Variants in NCKAP5 observed in about 807,000 individuals in gnomAD.
NCKAP5 encodes nck-associated protein 5.
NCKAP5 carries 92 observed loss-of-function variants against 167.0 expected under a neutral mutation model. The ratio of observed to expected loss-of-function variants is 0.55; its 90% CI spans 0.47 to 0.66. NCKAP5 has a LOEUF of 0.66. NCKAP5 is among the 30% of genes least tolerant of loss of function. The pLI is 0.00. For missense variants in NCKAP5, 2,378 were observed against 2,315.0 expected (o/e 1.03, Z -0.56); for synonymous variants, 891 against 877.4 (o/e 1.02, Z -0.27).
chr2:133,347,240 T>C (rs1684039328), intron 3 of NCKAP5, among the ~76,000 whole-genome samples: 1 of 152,156 alleles, frequency 6.6e-6, no homozygotes, highest in African/African-American at 2.4e-5. Flanking sequence ...CAAAATTGTG[T>C]GGGGGGAGTT....
intron 11 of NCKAP5, among the ~76,000 whole-genome samples, chr2:132,801,557 A>C (rs1685037216): frequency 6.6e-6 from 1 of 152,224 alleles, no homozygotes; most frequent in Admixed American, 6.5e-5. Context: ...CTGTCACTAT[A>C]CACAAGGGCA....
chr2:133,424,069 G>A (rs1559473933), intron 3 of NCKAP5, among the ~76,000 whole-genome samples: 1 of 152,212 alleles, frequency 6.6e-6, no homozygotes, highest in Non-Finnish European at 1.5e-5. Context: ...TTAATTTAAT[G>A]TGACCCTGGG....
intron 7 of NCKAP5, among the ~76,000 whole-genome samples, chr2:132,975,013 C>A (rs2076940042): frequency 6.6e-6 from 1 of 152,142 alleles, no homozygotes. Flanking sequence ...GGAGGGTGTG[C>A]AAAATATATT....
At chr2:133,090,381 AGAG>A (rs1019422178) in intron 6 of NCKAP5, among the ~76,000 whole-genome samples, 26 of 152,086 alleles carry the variant, frequency 1.7e-4, no homozygotes, top group African/African-American at 6.0e-4. Flanking sequence ...AAAAAGAAGA[AGAG>A]AAGACAGTTT....
chr2:133,016,590 C>T lies in NCKAP5; in HGVS notation c.342-22351G>A, dbSNP rs115594043. ...AGTGTTAATGCTATAGAAGAAAGCG[C>T]GGTCTGACGGCTATCTAAAATGAAT... is the stretch of plus-strand genomic sequence containing the variant. On this transcript the variant is annotated intron_variant, in intron 6 of 19. Coordinates refer to ENST00000409261, the MANE Select transcript of NCKAP5 (RefSeq NM_207363.3). Among the ~76,000 whole-genome samples, 738 of 152,284 alleles carry T rather than the reference C, an allele frequency of 4.8e-3. 9 individuals carry two copies. Among genetic ancestry groups the T allele is most frequent in the African/African-American group, 0.016 (679 of 41,546 alleles).
At chr2:132,702,955 G>T (rs755019259) in intron 19 of NCKAP5, among the ~76,000 whole-genome samples, 1 of 152,166 alleles carries the variant, frequency 6.6e-6, no homozygotes, top group African/African-American at 2.4e-5. Flanking sequence ...GATGCAGAAG[G>T]ATCTCTTGAG....
intron 4 of NCKAP5, among the ~76,000 whole-genome samples, chr2:133,220,478 G>A (rs1466790735): frequency 6.6e-6 from 1 of 152,096 alleles, no homozygotes; most frequent in Non-Finnish European, 1.5e-5. Context: ...TTAGTTCCAG[G>A]TTTCTAAAGC....
chr2:132,944,117 T>C (rs567005956), intron 8 of NCKAP5, among the ~76,000 whole-genome samples: 18 of 152,278 alleles, frequency 1.2e-4, no homozygotes, highest in East Asian at 7.7e-4. Context: ...CCGTGTCTTA[T>C]AACGCAAGAG....
At chr2:133,555,752 G>A (rs1344870609) in intron 2 of NCKAP5, among the ~76,000 whole-genome samples, 1 of 152,166 alleles carries the variant, frequency 6.6e-6, no homozygotes. Flanking sequence ...ATTGCTATGT[G>A]TAGCAATTAC....
At chr2:133,613,811 G>A in the NCKAP5 span, among the ~76,000 whole-genome samples, 21 of 152,314 alleles carry the variant, frequency 1.4e-4, no homozygotes, top group East Asian at 3.9e-4. Context: ...GTTGGACAGC[G>A]TGTGATTATA....
intron 3 of NCKAP5, among the ~76,000 whole-genome samples, chr2:133,412,726 T>C (rs1466701914): frequency 6.6e-6 from 1 of 152,250 alleles, no homozygotes; most frequent in Non-Finnish European, 1.5e-5. Flanking sequence ...TAAAACTTTA[T>C]TGGCAACTTT....
At chr2:133,106,648 A>C (rs2081713872) in intron 6 of NCKAP5, among the ~76,000 whole-genome samples, 1 of 152,102 alleles carries the variant, frequency 6.6e-6, no homozygotes. Context: ...CTTGAATGCT[A>C]TTGGGAAGTG....
chr2:133,351,396 A>AT lies in NCKAP5; in HGVS notation c.70-48287dup, dbSNP rs370977832. 1.7e-3 allele frequency among the ~76,000 whole-genome samples: 258 copies of AT among 152,130 alleles called. 4 individuals carry two copies. The highest frequency in any genetic ancestry group is 6.1e-3 in the African/African-American group (253 of 41,504). ...AGTAATATAACTTCTTTGAGCCTTA[A>AT]TTTTTTTCATCTGTAAATAGTAGTG... On this transcript the variant is annotated intron_variant, in intron 3 of 19. Transcript: ENST00000409261.
intron 8 of NCKAP5, among the ~76,000 whole-genome samples, chr2:132,925,534 C>A (rs1331338447): frequency 2.0e-5 from 3 of 147,974 alleles, no homozygotes; most frequent in Non-Finnish European, 3.0e-5. Context: ...TGCACTCCAG[C>A]CTGGGTGATA....
At chr2:133,093,992 G>A (rs987286568) in intron 6 of NCKAP5, among the ~76,000 whole-genome samples, 1 of 152,204 alleles carries the variant, frequency 6.6e-6, no homozygotes, top group Non-Finnish European at 1.5e-5. Flanking sequence ...ATAGCAGGAG[G>A]TCTGAGGCTC....
intron 3 of NCKAP5, among the ~76,000 whole-genome samples, chr2:133,500,609 C>T (rs1682419911): frequency 6.6e-6 from 1 of 152,204 alleles, no homozygotes; most frequent in Non-Finnish European, 1.5e-5. Flanking sequence ...AACAGAGCAG[C>T]TTTGGGCAAA....
intron 4 of NCKAP5, among the ~76,000 whole-genome samples, chr2:133,238,523 G>A (rs527959077): frequency 2.0e-5 from 3 of 152,256 alleles, no homozygotes; most frequent in East Asian, 1.9e-4. Flanking sequence ...CACAGGCACC[G>A]TTGTTTTTGC....
At chr2:133,542,152 C>G (rs776595253) in intron 2 of NCKAP5, among the ~76,000 whole-genome samples, 5 of 152,082 alleles carry the variant, frequency 3.3e-5, no homozygotes, top group Non-Finnish European at 5.9e-5. Context: ...TGTCCCTAAA[C>G]ATAGAAAAGC....
intron 19 of NCKAP5, among the ~76,000 whole-genome samples, chr2:132,699,583 G>T (rs1321515804): frequency 6.6e-6 from 1 of 151,930 alleles, no homozygotes; most frequent in Non-Finnish European, 1.5e-5. Context: ...TGCAGTGTTT[G>T]GTTTTCTGTC....
Sources: gnomAD v4.1 joint callset for allele counts (sites outside exome capture counted in the v4.1 genomes callset) on GRCh38, gnomAD v4.1.1 for gene constraint, MANE v1.5 for transcripts, NCBI Gene and HGNC (gene_info 2026-07-23, HGNC 2026-07-21) for gene names.